Variants in CCDC66 observed in about 807,000 individuals in gnomAD.
The protein encoded by CCDC66 is coiled-coil domain-containing protein 66.
CCDC66 carries 133 observed loss-of-function variants against 128.3 expected under a neutral mutation model. The ratio of observed to expected loss-of-function variants is 1.04; its 90% CI spans 0.90 to 1.20. The LOEUF is 1.20. Among genes scored for constraint, CCDC66 ranks in the 50% most tolerant of loss-of-function variants. The pLI, the probability that CCDC66 is intolerant of heterozygous loss-of-function variation, is 0.00. For missense variants in CCDC66, 1,126 were observed against 1,075.5 expected (o/e 1.05, Z -0.66); for synonymous variants, 387 against 357.0 (o/e 1.08, Z -0.95).
intron 6 of CCDC66, among the ~76,000 whole-genome samples, chr3:56,567,322 A>G (rs1022399180): frequency 2.0e-5 from 3 of 152,132 alleles, no homozygotes; most frequent in Non-Finnish European, 2.9e-5. Context: ...CCTGGGAGGC[A>G]GAGGTTGCAG....
At chr3:56,615,015 G>A in intron 11 of CCDC66, 113 bp from the exon 12 acceptor site, 3 of 1,051,950 alleles carry the variant, frequency 2.9e-6, no homozygotes, top group Non-Finnish European at 4.1e-6. Flanking sequence ...TACCCTTAGT[G>A]TCTAAACAAG....
chr3:56,558,752 A>G lies in CCDC66; in HGVS notation c.12-94A>G, dbSNP rs929568258. Reference sequence around the variant, plus strand: ...AAGATTCCTGCATAAATTCAAAATAATGGATTTATTGTCAGGTTCAAATGA... The same window carrying G: ...AAGATTCCTGCATAAATTCAAAATAGTGGATTTATTGTCAGGTTCAAATGA... On this transcript the variant is annotated intron_variant, in intron 1 of 17. Coordinates refer to ENST00000394672, the MANE Select transcript of CCDC66 (RefSeq NM_001141947.3). 5.8e-6 allele frequency: 5 copies of G among 869,486 alleles called. No individual in the cohort carries two copies. The African/African-American group carries it at 8.3e-5, about 14-fold the overall frequency. 53.9% of individuals were successfully genotyped at this position (869,486 alleles called of 1,614,324 possible).
At chr3:56,566,154 CT>C (rs2065831594) in intron 4 of CCDC66, among the ~76,000 whole-genome samples, 1 of 62,066 alleles carries the variant, frequency 1.6e-5, no homozygotes, top group Non-Finnish European at 5.4e-5. Flanking sequence ...GAGACGACAT[CT>C]GGCCCAGACT....
chr3:56,565,141 T>C, intron 4 of CCDC66: 1 of 428,500 alleles, frequency 2.3e-6, no homozygotes. Context: ...TAGCTGGGCA[T>C]AGAGACAATT....
In CCDC66 at chr3:56,603,200, TG is replaced by T. The variant is rs2073510702; in HGVS notation, c.1404+9174del. ...CTTTTCTTCTTATTAGTCTGGCTAG[TG>T]GTCTGTCTATTTTGTTGATCTTTTC... On this transcript the variant is annotated intron_variant, in intron 10 of 17. Coordinates refer to ENST00000394672, the MANE Select transcript of CCDC66 (RefSeq NM_001141947.3). Among the ~76,000 whole-genome samples the T allele has an allele frequency of 2.6e-5, 4 of 151,462 alleles. 1 individual carries two copies. The highest frequency in any genetic ancestry group is 9.7e-5 in the African/African-American group (4 of 41,154).
intron 10 of CCDC66, among the ~76,000 whole-genome samples, chr3:56,602,989 C>G (rs2073454301): frequency 6.6e-6 from 1 of 151,578 alleles, no homozygotes; most frequent in African/African-American, 2.4e-5. Context: ...CGCCCACCAT[C>G]ACACCCAGCT....
intron 3 of CCDC66, chr3:56,561,389 A>AT (rs2107717580): frequency 2.5e-6 from 1 of 401,156 alleles, no homozygotes; most frequent in South Asian, 1.8e-5. Flanking sequence ...GTAGGCCTAT[A>AT]ATAAAGTTAC....
Position 56,566,976 on chromosome 3 carries a change from T to C in CCDC66, c.737T>C (p.Ile246Thr), listed in dbSNP as rs769752736. Residue 246 changes from isoleucine (I) to threonine (T), a missense_variant, in exon 6 of 18, where the codon ATA becomes ACA. Physicochemically the swap from Ile to Thr is moderately conservative, Grantham distance 89 (BLOSUM62 -1). Coordinates refer to ENST00000394672, the MANE Select transcript of CCDC66 (RefSeq NM_001141947.3). ...AIENEWKPAD[I>T]FSTLGERECD... ...GAGAATGAATGGAAACCAGCTGATA[T>C]ATTCAGTACTCTGGGGGAAAGGGAA... The C allele has an allele frequency of 2.1e-5, 34 of 1,614,024 alleles. No individual in the cohort carries two copies. The highest frequency in any genetic ancestry group is 2.2e-5 in the Non-Finnish European group (26 of 1,179,946).
intron 7 of CCDC66, among the ~76,000 whole-genome samples, chr3:56,573,851 G>C (rs1415556625): frequency 6.6e-6 from 1 of 151,098 alleles, no homozygotes; most frequent in African/African-American, 2.4e-5. Context: ...GATCCATTCA[G>C]TTGGTTGGGG....
intron 13 of CCDC66, 192 bp from the exon 14 acceptor site, chr3:56,616,904 GTTCATAGAAATGGAAA>G: frequency 2.2e-6 from 1 of 455,702 alleles, no homozygotes; most frequent in Non-Finnish European, 3.8e-6. Context: ...ATGATTATCA[GTTCATAGAAATGGAAA>G]TTAGAGTGGT....
intron 17 of CCDC66, chr3:56,620,106 TC>T: frequency 2.5e-6 from 1 of 398,046 alleles, no homozygotes; most frequent in Non-Finnish European, 4.5e-6. Flanking sequence ...AGTAGTTCTT[TC>T]CAGTACGAAA....
rs186629692 is a variant in CCDC66 at position 56,563,738 on chromosome 3, A to G, written c.157A>G (p.Ile53Val). ...TCCTTTAAGAACAAAAACTGGGCAC[A>G]TTCTAAAATCAACACAAGATACTTG... ...KCPLRTKTGHILKSTQDTCIG... is the reference protein window; with the variant it reads ...KCPLRTKTGHVLKSTQDTCIG... Residue 53 changes from isoleucine (I) to valine (V), a missense_variant, in exon 4 of 18, where the codon ATT (isoleucine) becomes GTT (valine). Coordinates refer to ENST00000394672, the MANE Select transcript of CCDC66 (RefSeq NM_001141947.3). 3 of 1,551,660 alleles carry G rather than the reference A, an allele frequency of 1.9e-6. No homozygotes were observed. Among genetic ancestry groups the G allele is most frequent in the East Asian group, 2.4e-5 (1 of 40,864 alleles).
chr3:56,558,817 T>C, intron 1 of CCDC66, 29 bp from the exon 2 acceptor site: 1 of 1,473,420 alleles, frequency 6.8e-7, no homozygotes, highest in Non-Finnish European at 9.3e-7. Flanking sequence ...TTGTTAAAAA[T>C]GAGAGACAAC....
chr3:56,605,572 C>T (rs1485715161), intron 10 of CCDC66, among the ~76,000 whole-genome samples: 5 of 152,008 alleles, frequency 3.3e-5, no homozygotes, highest in African/African-American at 1.2e-4. Flanking sequence ...CATTCCATAT[C>T]CTGTTTGCCT....
Position 56,615,865 on chromosome 3 carries a change from A to G in CCDC66, c.1712-57A>G, listed in dbSNP as rs2075427120. 15 of 1,446,662 alleles carry G rather than the reference A, an allele frequency of 1.0e-5. No homozygotes were observed. The South Asian group carries it at 1.6e-4, about 16-fold the overall frequency. 89.6% of individuals were successfully genotyped at this position (1,446,662 alleles called of 1,614,324 possible). On this transcript the variant is annotated intron_variant, in intron 12 of 17. Transcript: ENST00000394672. ...TTATTGTATTTAGTTGCTGCTATACATAATTTTTATTAATATTCCTTAAGT... is the reference window on the plus strand; with the variant it reads ...TTATTGTATTTAGTTGCTGCTATACGTAATTTTTATTAATATTCCTTAAGT...
intron 15 of CCDC66, chr3:56,618,495 AG>A (rs1450658129): frequency 3.0e-6 from 1 of 328,002 alleles, no homozygotes; most frequent in African/African-American, 2.1e-5. Flanking sequence ...TTAGCAGAAT[AG>A]GCATTCTGCT....
chr3:56,565,813 C>T (rs1290230543), intron 4 of CCDC66, among the ~76,000 whole-genome samples: 1 of 151,022 alleles, frequency 6.6e-6, no homozygotes, highest in Admixed American at 6.6e-5. Flanking sequence ...ACTACAGGCG[C>T]CCGCCACCAC....
Position 56,564,274 on chromosome 3 carries a change from C to T in CCDC66, c.544+149C>T. On this transcript the variant is annotated intron_variant, in intron 4 of 17. Coordinates refer to ENST00000394672, the MANE Select transcript of CCDC66 (RefSeq NM_001141947.3). ...AATAATTGTTCTTTTAGAGGACTTT[C>T]TCTAATATGCAAAATTATTTTTATA... 4 of 578,780 alleles carry T rather than the reference C, an allele frequency of 6.9e-6. No homozygotes were observed. In the South Asian group the frequency reaches 9.1e-5, roughly 13 times the overall value. The allele number at this position is 578,780 out of a possible 1,614,324, so 35.9% of individuals were successfully genotyped here. A position where few individuals can be genotyped will look rare whatever the true frequency, so the allele number is the denominator to read the frequency against.
At chr3:56,567,812 C>A (rs1017544768) in intron 6 of CCDC66, among the ~76,000 whole-genome samples, 1 of 152,054 alleles carries the variant, frequency 6.6e-6, no homozygotes, top group African/African-American at 2.4e-5. Context: ...GCCTCAGCCT[C>A]CCCAGTAGCT....
Sources: allele counts gnomAD v4.1 joint callset (sites outside exome capture counted in the v4.1 genomes callset), GRCh38; gene constraint gnomAD v4.1.1; transcripts MANE v1.5; gene names NCBI Gene and HGNC (gene_info 2026-07-23, HGNC 2026-07-21).